The following RAPGEF1 variants were observed in gnomAD, a reference collection of about 807,000 sequenced individuals.
The protein encoded by RAPGEF1 is Rap guanine nucleotide exchange factor 1.
In RAPGEF1, 33 loss-of-function variants were observed where a neutral mutation model predicts 143.3. That is an observed-to-expected ratio of 0.23 (90% CI 0.17 to 0.31). RAPGEF1 has a LOEUF of 0.31. Ranked by LOEUF, RAPGEF1 falls within the 10% of genes least tolerant of loss-of-function variation. The pLI is 1.00. For synonymous variants in RAPGEF1, 629 were observed against 676.5 expected (o/e 0.93, Z 1.09); for missense variants, 1,199 against 1,645.4 (o/e 0.73, Z 4.69).
At chr9:131,709,303 G>C (rs1835335223) in intron 1 of RAPGEF1, among the ~76,000 whole-genome samples, 1 of 152,180 alleles carries the variant, frequency 6.6e-6, no homozygotes, top group South Asian at 2.1e-4. Context: ...CTGAGATCAT[G>C]CCACTGCATT....
intron 1 of RAPGEF1, among the ~76,000 whole-genome samples, chr9:131,717,463 G>A (rs1194599886): frequency 6.6e-6 from 1 of 152,172 alleles, no homozygotes; most frequent in Non-Finnish European, 1.5e-5. Context: ...ACCTCCCAAT[G>A]AGGGAAAATA....
At chr9:131,728,020 C>G (rs1836788665) in intron 1 of RAPGEF1, among the ~76,000 whole-genome samples, 2 of 152,174 alleles carry the variant, frequency 1.3e-5, no homozygotes, top group African/African-American at 2.4e-5. Flanking sequence ...GGGCTTTGGT[C>G]TCTCTGCAAA....
chr9:131,640,165 G>A (rs3808798), intron 4 of RAPGEF1, among the ~76,000 whole-genome samples: 1 of 152,112 alleles, frequency 6.6e-6, no homozygotes, highest in African/African-American at 2.4e-5. Flanking sequence ...CAGTCTCTCC[G>A]GGGGTTGGAC....
intron 13 of RAPGEF1, 144 bp downstream of exon 13, chr9:131,604,786 AG>A: frequency 8.9e-7 from 1 of 1,124,098 alleles, no homozygotes; most frequent in Non-Finnish European, 1.1e-6. Flanking sequence ...TGCTGCCAGC[AG>A]GTGTGCGCTG....
chr9:131,639,373 A>G (rs1967100800), intron 4 of RAPGEF1, among the ~76,000 whole-genome samples: 1 of 152,006 alleles, frequency 6.6e-6, no homozygotes, highest in Non-Finnish European at 1.5e-5. Context: ...TATTTTGAGA[A>G]TAGCAAATCA....
intron 1 of RAPGEF1, among the ~76,000 whole-genome samples, chr9:131,713,616 A>C (rs1835661882): frequency 6.6e-6 from 1 of 152,178 alleles, no homozygotes; most frequent in Non-Finnish European, 1.5e-5. Flanking sequence ...CATGTGTACC[A>C]TTATGCTGTC....
chr9:131,592,267 C>A, intron 17 of RAPGEF1, 84 bp from the exon 18 acceptor site: 1 of 1,104,456 alleles, frequency 9.1e-7, no homozygotes, highest in South Asian at 1.3e-5. Flanking sequence ...AGTCCTTGCT[C>A]TGAGAGAGGC....
chr9:131,732,750 C>G (rs1837162041), intron 1 of RAPGEF1, among the ~76,000 whole-genome samples: 1 of 152,198 alleles, frequency 6.6e-6, no homozygotes, highest in Non-Finnish European at 1.5e-5. Flanking sequence ...GAACCAGAAA[C>G]TAAAATTCAT....
At chr9:131,644,193 C>T (rs1011543491) in intron 3 of RAPGEF1, among the ~76,000 whole-genome samples, 4 of 152,144 alleles carry the variant, frequency 2.6e-5, no homozygotes, top group African/African-American at 9.7e-5. Context: ...GCCACAACCC[C>T]AAGCTTTTCT....
intron 18 of RAPGEF1, 84 bp from the exon 19 acceptor site, chr9:131,590,062 G>A: frequency 1.6e-6 from 2 of 1,240,898 alleles, no homozygotes; most frequent in Non-Finnish European, 2.4e-6. Context: ...CACTCACTGA[G>A]CGCTCACAAT....
At chr9:131,630,378 C>T in intron 5 of RAPGEF1, 54 bp from the exon 6 acceptor site, 1 of 1,565,560 alleles carries the variant, frequency 6.4e-7, no homozygotes, top group Non-Finnish European at 8.8e-7. Context: ...ACTGAGTTTC[C>T]ACCAGAAGGC....
At chr9:131,722,430 G>A (rs1246173658) in intron 1 of RAPGEF1, among the ~76,000 whole-genome samples, 3 of 152,236 alleles carry the variant, frequency 2.0e-5, no homozygotes, top group Admixed American at 6.5e-5. Flanking sequence ...GAGAGTAAGT[G>A]CTGCTGATGG....
At chr9:131,639,147 A>G (rs997474571) in intron 4 of RAPGEF1, among the ~76,000 whole-genome samples, 1 of 152,112 alleles carries the variant, frequency 6.6e-6, no homozygotes, top group African/African-American at 2.4e-5. Context: ...GCTGCTAATC[A>G]CTAGACCAGG....
chr9:131,669,243 C>A (rs1178110701), intron 1 of RAPGEF1, among the ~76,000 whole-genome samples: 1 of 152,158 alleles, frequency 6.6e-6, no homozygotes, highest in Non-Finnish European at 1.5e-5. Flanking sequence ...CATTTTCATT[C>A]GTCAGTAAGC....
intron 1 of RAPGEF1, among the ~76,000 whole-genome samples, chr9:131,714,542 C>T (rs1287265170): frequency 6.6e-6 from 1 of 151,916 alleles, no homozygotes; most frequent in Non-Finnish European, 1.5e-5. Context: ...TACAACAATA[C>T]GAGGAAGCGC....
In RAPGEF1 at chr9:131,598,642, G is replaced by C. The variant is rs11999732; in HGVS notation, c.2502-332C>G. The C allele has an allele frequency of 7.5e-3, 3,487 of 464,114 alleles. 101 individuals are homozygous for C. The highest frequency in any genetic ancestry group is 0.061 in the African/African-American group (3,097 of 50,844). The allele number at this position is 464,114 out of a possible 1,614,324, so 28.7% of individuals were successfully genotyped here. On this transcript the variant is annotated intron_variant, in intron 15 of 26. Coordinates refer to ENST00000683357, the MANE Select transcript of RAPGEF1 (RefSeq NM_001377935.1). ...CAGTTAGCATTTAGGGAGAGGAGGA[G>C]CTAAGGGGCAAGCAGAATGGGAGAG...
chr9:131,610,986 C>T (rs532237044), intron 12 of RAPGEF1, among the ~76,000 whole-genome samples: 20 of 152,232 alleles, frequency 1.3e-4, no homozygotes, highest in Admixed American at 4.6e-4. Context: ...TCTTTCCTTA[C>T]GGTCCCAATT....
In RAPGEF1 at chr9:131,630,260, C is replaced by T. The variant is rs1381185635; in HGVS notation, c.716G>A (p.Ser239Asn). 5 of 1,613,852 alleles carry T rather than the reference C, an allele frequency of 3.1e-6. No homozygotes were observed. Among genetic ancestry groups the T allele is most frequent in the Non-Finnish European group, 4.2e-6 (5 of 1,179,846 alleles). Residue 239 changes from serine to asparagine, a missense_variant, in exon 6 of 27, where the codon AGT (serine) becomes AAT (asparagine). Around this residue, in one of 6 missense-constraint regions of RAPGEF1, gnomAD observed 613 missense variants for 710.9 expected, o/e 0.86. Transcript: ENST00000683357. The part of the protein sequence containing the change: ...RPSPTSPVKP[S>N]SPASKPDGPA... ...CCCATCAGGCTTGCTGGCAGGGGAA[C>T]TGGGCTTCACGGGGCTCGTCGGAGA...
chr9:131,622,773 T>C (rs1961573403), intron 10 of RAPGEF1, among the ~76,000 whole-genome samples: 1 of 147,640 alleles, frequency 6.8e-6, no homozygotes, highest in East Asian at 2.0e-4. Flanking sequence ...CACACTTCCT[T>C]TTTTTTTTTT....
Sources: gnomAD v4.1 joint callset for allele counts (sites outside exome capture counted in the v4.1 genomes callset) on GRCh38, gnomAD v4.1.1 for gene constraint, gnomAD v4.1.1 regional missense constraint, MANE v1.5 for transcripts, NCBI Gene and HGNC (gene_info 2026-07-23, HGNC 2026-07-21) for gene names.